The following LRRC17 variants were observed in gnomAD, a reference collection of about 807,000 sequenced individuals.
LRRC17 encodes leucine rich repeat containing 17.
LRRC17 carries 33 observed loss-of-function variants against 41.5 expected under a neutral mutation model. The ratio of observed to expected loss-of-function variants is 0.80; its 90% CI spans 0.60 to 1.06. The LOEUF (loss-of-function observed/expected upper bound fraction) is 1.06. LRRC17 is among the 50% of genes least tolerant of loss of function. LRRC17 has a pLI of 0.00. For missense variants in LRRC17, 491 were observed against 519.3 expected, an observed-to-expected ratio of 0.95 and a Z score of 0.53; for synonymous variants, 192 against 197.0, an observed-to-expected ratio of 0.97 and a Z score of 0.21.
chr7:102,935,242 CTTTTTTTTTTTTTTT>C (rs71106700), intron 2 of LRRC17, among the ~76,000 whole-genome samples: 9 of 76,402 alleles, frequency 1.2e-4, no homozygotes, highest in East Asian at 4.1e-4. Flanking sequence ...TTTTTTCTTT[CTTTTTTTTTTTTTTT>C]TTTTTTTTTT....
chr7:102,932,042 C>T, intron 1 of LRRC17: 2 of 1,033,500 alleles, frequency 1.9e-6, no homozygotes, highest in South Asian at 3.4e-5. Flanking sequence ...AAACAAAAAC[C>T]TTGGCAAGTA....
In LRRC17 at chr7:102,928,653, A is replaced by G. The variant is rs899630244; in HGVS notation, c.-140-5121A>G. On this transcript the variant is annotated intron_variant, in intron 1 of 3. Coordinates refer to ENST00000339431, the MANE Select transcript of LRRC17 (RefSeq NM_001031692.3). ...ATATCTTACTCAAGTACACAACTGA[A>G]GCTCCCTGAGGACAAGAACTGAAAA... Among the ~76,000 whole-genome samples the G allele has an allele frequency of 2.6e-4, 39 of 152,220 alleles. 1 individual carries two copies. The highest frequency in any genetic ancestry group is 2.2e-3 in the Admixed American group (34 of 15,280).
At chr7:102,942,263 TA>T in intron 3 of LRRC17, 2 of 1,573,176 alleles carry the variant, frequency 1.3e-6, no homozygotes, top group Non-Finnish European at 1.7e-6. Context: ...AAAGAAGTTT[TA>T]AAATGAAAGG....
intron 3 of LRRC17, among the ~76,000 whole-genome samples, chr7:102,940,173 C>T (rs961387387): frequency 5.9e-5 from 9 of 151,276 alleles, no homozygotes; most frequent in Admixed American, 5.3e-4. Context: ...GGATTACAGG[C>T]ATGAGCCACC....
chr7:102,943,336 CA>C (rs58320878), intron 3 of LRRC17, among the ~76,000 whole-genome samples: 134,317 of 142,750 alleles, frequency 0.94, 63,366 homozygotes, highest in Non-Finnish European at 0.99. Flanking sequence ...AAGTAAATAC[CA>C]AAAAAAAAAA....
In LRRC17 at chr7:102,934,513, TAAA is replaced by T. The variant is rs764907439; in HGVS notation, c.604_606del (p.Lys202del). ...GTGAAAGTCCACAAGAACAAAAAAA[TAAA>T]AAACTGCGGCAGATAAAATCTGAAC... On this transcript the variant is annotated inframe_deletion, in exon 2 of 4. Transcript: ENST00000339431. 6.8e-6 allele frequency: 11 copies of T among 1,612,216 alleles called. No homozygotes were observed. Among genetic ancestry groups the T allele is most frequent in the Non-Finnish European group, 9.3e-6 (11 of 1,179,628 alleles).
chr7:102,915,120 A>ATTT (rs1160559115), intron 1 of LRRC17, among the ~76,000 whole-genome samples: 1 of 139,446 alleles, frequency 7.2e-6, no homozygotes, highest in East Asian at 2.2e-4. Flanking sequence ...GGAGATTAAA[A>ATTT]TATTTTTTTT....
chr7:102,913,023 T>A lies in LRRC17; in HGVS notation c.-263T>A. ...GCATTAGTATAACGTGAGGGCTGAA[T>A]GCAGCCCATTCTCTGGAGAACTTCC... On this transcript the variant is annotated 5_prime_UTR_variant, in exon 1 of 4. It removes an upstream start codon present in the reference 5' UTR. Transcript: ENST00000339431. 2 of 1,609,796 alleles carry A rather than the reference T, an allele frequency of 1.2e-6. No individual in the cohort carries two copies. Among genetic ancestry groups the A allele is most frequent in the Non-Finnish European group, 1.7e-6 (2 of 1,177,034 alleles).
At chr7:102,927,189 A>G (rs1289971661) in intron 1 of LRRC17, among the ~76,000 whole-genome samples, 1 of 152,248 alleles carries the variant, frequency 6.6e-6, no homozygotes, top group Admixed American at 6.5e-5. Context: ...AGGTAACACT[A>G]TATAAAATAC....
chr7:102,937,692 C>T (rs1285023368), intron 2 of LRRC17, among the ~76,000 whole-genome samples: 3 of 152,104 alleles, frequency 2.0e-5, no homozygotes, highest in Non-Finnish European at 4.4e-5. Flanking sequence ...TTGGTAGTGC[C>T]TGCCACAGAG....
chr7:102,943,931 TG>T (rs1000609223), intron 3 of LRRC17, among the ~76,000 whole-genome samples: 3 of 152,182 alleles, frequency 2.0e-5, no homozygotes, highest in African/African-American at 7.2e-5. Flanking sequence ...CCACCAGAGC[TG>T]GGAGATGTCC....
intron 1 of LRRC17, among the ~76,000 whole-genome samples, chr7:102,921,354 T>C (rs1584945871): frequency 6.6e-6 from 1 of 152,128 alleles, no homozygotes; most frequent in East Asian, 1.9e-4. Flanking sequence ...CAAGAATTTA[T>C]ATGTATATAC....
chr7:102,922,289 T>C (rs959882327), intron 1 of LRRC17, among the ~76,000 whole-genome samples: 9 of 152,154 alleles, frequency 5.9e-5, no homozygotes, highest in Middle Eastern at 6.8e-3. Flanking sequence ...AAACAATACT[T>C]ATCAAGTTAT....
rs148055940 is a variant in LRRC17, at chr7:102,932,019, T to C, written c.-140-1755T>C. The C allele has an allele frequency of 1.6e-4, 198 of 1,213,326 alleles. 1 individual carries two copies. In the East Asian group the frequency reaches 3.1e-3, roughly 19 times the overall value. The allele number at this position is 1,213,326 out of a possible 1,614,324, so 75.2% of individuals were successfully genotyped here. On this transcript the variant is annotated intron_variant, in intron 1 of 3. Transcript: ENST00000339431. ...TCTATCTTACATTGAATGCAATGTA[T>C]TCATTAGAAAACAAACAAAAACCTT...
chr7:102,915,873 A>G (rs750734160), intron 1 of LRRC17, among the ~76,000 whole-genome samples: 20 of 152,228 alleles, frequency 1.3e-4, no homozygotes, highest in Non-Finnish European at 2.4e-4. Flanking sequence ...GAAATGTGAT[A>G]AGAATATATT....
chr7:102,928,384 T>G (rs1818526459), intron 1 of LRRC17, among the ~76,000 whole-genome samples: 1 of 152,234 alleles, frequency 6.6e-6, no homozygotes, highest in Non-Finnish European at 1.5e-5. Flanking sequence ...TCTTTCTGAA[T>G]GTAATATATT....
intron 2 of LRRC17, among the ~76,000 whole-genome samples, chr7:102,936,784 A>C (rs1344697802): frequency 6.8e-6 from 1 of 146,732 alleles, no homozygotes; most frequent in Admixed American, 6.7e-5. Flanking sequence ...CATCTATACA[A>C]GATTTAAAAC....
intron 1 of LRRC17, among the ~76,000 whole-genome samples, chr7:102,921,959 G>A (rs1817117239): frequency 2.0e-5 from 3 of 151,616 alleles, no homozygotes; most frequent in Admixed American, 2.0e-4. Flanking sequence ...GGGAGGCCAA[G>A]GTGGGTGGAT....
intron 3 of LRRC17, among the ~76,000 whole-genome samples, chr7:102,943,452 C>T (rs1172682136): frequency 6.6e-6 from 1 of 151,992 alleles, no homozygotes; most frequent in Non-Finnish European, 1.5e-5. Flanking sequence ...CACAATTTTG[C>T]ATTTAGACAC....
Sources: allele counts gnomAD v4.1 joint callset (sites outside exome capture counted in the v4.1 genomes callset), GRCh38; gene constraint gnomAD v4.1.1; transcripts MANE v1.5; gene names NCBI Gene and HGNC (gene_info 2026-07-23, HGNC 2026-07-21).